Variants in ARX observed in about 807,000 individuals in gnomAD.
The protein encoded by ARX is homeobox protein ARX.
In ARX, 1 loss-of-function variant was observed where a neutral mutation model predicts 23.1. The observed-to-expected ratio is 0.04, with a 90% CI of 0.02 to 0.21. The LOEUF is 0.21. Ranked by LOEUF, ARX falls within the 10% of genes least tolerant of loss-of-function variation. The pLI is 1.00. For synonymous variants in ARX, 301 were observed against 270.1 expected, an observed-to-expected ratio of 1.11 and a Z score of -1.12; for missense variants, 380 against 527.5, an observed-to-expected ratio of 0.72 and a Z score of 2.74.
intron 2 of ARX, 115 bp from the exon 3 acceptor site, chrX:25,010,420 C>T: frequency 1.1e-6 from 1 of 871,547 alleles, no homozygotes; most frequent in Non-Finnish European, 1.7e-6. Flanking sequence ...GGCTGCCTGC[C>T]CCCCACCCCC....
intron 2 of ARX, among the ~76,000 whole-genome samples, chrX:25,012,399 C>CACTGCGA (rs756463345): frequency 1.2e-3 from 135 of 112,977 alleles, no homozygotes; most frequent in Middle Eastern, 4.6e-3. Context: ...GCTCCAGCTT[C>CACTGCGA]ACTGCGAACT....
intron 1 of ARX, 151 bp from the exon 2 acceptor site, chrX:25,013,949 T>G: frequency 1.2e-6 from 1 of 818,313 alleles, no homozygotes; most frequent in Non-Finnish European, 1.5e-6. Flanking sequence ...TTGGCCTCTT[T>G]CTCCACTTTT....
chrX:25,005,666 C>T (rs922279256), intron 4 of ARX, among the ~76,000 whole-genome samples: 2 of 112,752 alleles, frequency 1.8e-5, no homozygotes, highest in Admixed American at 1.8e-4. Context: ...CCCCTGTAGC[C>T]TCTGGCCTCA....
chrX:25,015,586 G>A lies in ARX; in HGVS notation c.152C>T (p.Pro51Leu). 8.3e-7 allele frequency: 1 copy of A among 1,210,750 alleles called. No homozygotes were observed. The highest frequency in any genetic ancestry group is 1.1e-6 in the Non-Finnish European group (1 of 894,979). ...GTCGGCGCGGCTGGTCAGCGGAGCA[G>A]GCAAGCTCTGCGCGGCTCCCAGCAA... ...MRLLGAAQSL[P>L]APLTSRADPE... The change falls in exon 1 of 5, where the codon CCT becomes CTT. Residue 51 changes from proline (P) to leucine (L), a missense_variant. Around this residue, in one of 3 missense-constraint regions of ARX, gnomAD observed 235 missense variants for 270.2 expected, o/e 0.87. Transcript: ENST00000379044.
At chrX:25,005,982 A>G (rs2048676202) in intron 4 of ARX, 1 of 110,972 alleles carries the variant, frequency 9.0e-6, no homozygotes, top group Non-Finnish European at 1.9e-5. Context: ...GGGCTCACCG[A>G]GCGCCGCCTC....
At chrX:25,010,197 C>A in intron 3 of ARX, 63 bp downstream of exon 3, 4 of 642,953 alleles carry the variant, frequency 6.2e-6, no homozygotes, top group Non-Finnish European at 9.7e-6. Flanking sequence ...ACCAACCCAT[C>A]TCTCTCTCTC....
rs1247887993 is a variant in ARX at position 25,015,935 on chromosome X, C to A, written c.-198G>T. On this transcript the variant is annotated 5_prime_UTR_variant, in exon 1 of 5. Coordinates refer to ENST00000379044, the MANE Select transcript of ARX (RefSeq NM_139058.3). ...GCCCGCGGCCCGAGCTCGCCCTCTC[C>A]GCGCTCAGGACAAGCGGTAACAAGT... The A allele has an allele frequency of 4.3e-6, 2 of 468,857 alleles. No homozygotes were observed. The highest frequency in any genetic ancestry group is 2.4e-5 in the African/African-American group (1 of 41,827). The allele number at this position is 468,857 out of a possible 1,213,427, so 38.6% of individuals were successfully genotyped here. A position where few individuals can be genotyped will look rare whatever the true frequency, so the allele number is the denominator to read the frequency against.
chrX:25,004,496 G>T lies in ARX; in HGVS notation c.*174C>A. On this transcript the variant is annotated 3_prime_UTR_variant, in exon 5 of 5. Coordinates refer to ENST00000379044, the MANE Select transcript of ARX (RefSeq NM_139058.3). ...GGACAGCCAGCCGAGGAGGTGCCAC[G>T]TCCCGGAGCGCCGAGGGCTGCCATG... 2.3e-6 allele frequency: 2 copies of T among 876,585 alleles called. No homozygotes were observed. Among genetic ancestry groups the T allele is most frequent in the Non-Finnish European group, 3.1e-6 (2 of 638,608 alleles). 72.2% of individuals were successfully genotyped at this position (876,585 alleles called of 1,213,427 possible). A position where few individuals can be genotyped will look rare whatever the true frequency, so the allele number is the denominator to read the frequency against.
chrX:25,012,960 C>T lies in ARX; in HGVS notation c.1035G>A (p.Arg345=). Residue 345 remains arginine, a synonymous_variant, in exon 2 of 5, where the codon CGG becomes CGA. Coordinates refer to ENST00000379044, the MANE Select transcript of ARX (RefSeq NM_139058.3). ...CCGGGTAGTGCGTCTTCTGGAAGGC[C>T]CGCTCCAGTTCCTCCAGCTGGTAGC... ...FTSYQLEELE[R]AFQKTHYPDV... is the part of the protein sequence containing the mutation. 1 of 1,205,769 alleles carries T rather than the reference C, an allele frequency of 8.3e-7. No homozygotes were observed. Among genetic ancestry groups the T allele is most frequent in the Non-Finnish European group, 1.1e-6 (1 of 892,849 alleles).
intron 4 of ARX, chrX:25,006,090 G>C (rs1321369852): frequency 8.9e-6 from 1 of 112,108 alleles, no homozygotes; most frequent in Non-Finnish European, 1.9e-5. Flanking sequence ...GCCACGGTTC[G>C]CCTGGGTTTA....
chrX:25,013,481 TG>T lies in ARX; in HGVS notation c.513del (p.Ser172AlafsTer153). On this transcript the variant is annotated frameshift_variant, in exon 2 of 5. Transcript: ENST00000379044. LOFTEE classifies it high-confidence loss of function. The part of the protein sequence containing the change: ...ISQAPQVSIS[R>X]SKSYRENGAP... ...GCCCCGTTCTCGCGGTACGACTTGC[TG>T]CGGCTGATGCTCACCTGCGGCGCCT... 1 of 891,598 alleles carries T rather than the reference TG, an allele frequency of 1.1e-6. No homozygotes were observed. Among genetic ancestry groups the T allele is most frequent in the Non-Finnish European group, 1.4e-6 (1 of 728,013 alleles). The allele number at this position is 891,598 out of a possible 1,213,427, so 73.5% of individuals were successfully genotyped here.
rs1428193510 is a variant in ARX, at chrX:25,015,767, G to C, written c.-30C>G. 2.6e-6 allele frequency: 3 copies of C among 1,170,418 alleles called. No homozygotes were observed. In the Admixed American group the frequency reaches 7.3e-5, roughly 28 times the overall value. ...GGGGCTTTTTCCCAGGGCGCAGAGAGCGGATCGCCGGCTGCCTCTCCCGGA... is the reference window on the plus strand; with the variant it reads ...GGGGCTTTTTCCCAGGGCGCAGAGACCGGATCGCCGGCTGCCTCTCCCGGA... On this transcript the variant is annotated 5_prime_UTR_variant, in exon 1 of 5. Transcript: ENST00000379044.
At position 25,003,983 on chromosome X, in the gene ARX, GTTC is replaced by G. The variant is rs1018180095; in HGVS notation, c.*684_*686del. ...TAACATTTCAAATATACAAAGCTCTGTTCTTTTTTTTTTTTTTTTAATAACAAT... is the reference window on the plus strand; with the variant it reads ...TAACATTTCAAATATACAAAGCTCTGTTTTTTTTTTTTTTTTAATAACAAT... On this transcript the variant is annotated 3_prime_UTR_variant, in exon 5 of 5. Transcript: ENST00000379044. 4 of 81,918 alleles carry G rather than the reference GTTC, an allele frequency of 4.9e-5. No individual in the cohort carries two copies. Among genetic ancestry groups the G allele is most frequent in the Middle Eastern group, 7.1e-3 (1 of 141 alleles). 6.8% of individuals were successfully genotyped at this position (81,918 alleles called of 1,213,427 possible).
At chrX:25,008,359 GTCTTTTATTTCCTT>G (rs1243647158) in intron 3 of ARX, among the ~76,000 whole-genome samples, 1 of 112,863 alleles carries the variant, frequency 8.9e-6, no homozygotes, top group Non-Finnish European at 1.9e-5. Context: ...GAGCTAACAA[GTCTTTTATTTCCTT>G]TTGGAGATGT....
In ARX at chrX:25,003,695, T is replaced by C. The variant is rs967681148; in HGVS notation, c.*975A>G. On this transcript the variant is annotated 3_prime_UTR_variant, in exon 5 of 5. Coordinates refer to ENST00000379044, the MANE Select transcript of ARX (RefSeq NM_139058.3). ...CCTGTATGGAGCATTCACACTTCGT[T>C]TTGTTAAACATATAATTTTTTTATT... The C allele has an allele frequency of 3.6e-5, 4 of 112,054 alleles. No homozygotes were observed. In the East Asian group the frequency reaches 1.1e-3, roughly 31 times the overall value. The allele number at this position is 112,054 out of a possible 1,213,427, so 9.2% of individuals were successfully genotyped here.
At position 25,004,628 on chromosome X, in the gene ARX, C is replaced by G; in HGVS notation, c.*42G>C. ...TCTTGAGTGGTGCTGAGTGAGGTGA[C>G]CTTTCGGGGCGCGCGCGGGGCGCGG... is the stretch of plus-strand genomic sequence containing the variant. On this transcript the variant is annotated 3_prime_UTR_variant, in exon 5 of 5. Coordinates refer to ENST00000379044, the MANE Select transcript of ARX (RefSeq NM_139058.3). The G allele has an allele frequency of 5.2e-6, 6 of 1,163,576 alleles. No homozygotes were observed. Among genetic ancestry groups the G allele is most frequent in the Non-Finnish European group, 5.7e-6 (5 of 872,641 alleles).
At chrX:25,011,686 T>A (rs1213753207) in intron 2 of ARX, among the ~76,000 whole-genome samples, 1 of 113,124 alleles carries the variant, frequency 8.8e-6, no homozygotes, top group Non-Finnish European at 1.9e-5. Flanking sequence ...GTCTGCTCTT[T>A]TCTGTTTCTG....
At position 25,015,651 on chromosome X, in the gene ARX, G is replaced by A. The variant is rs148694386; in HGVS notation, c.87C>T (p.Ile29=). ...GGCTCCTCCGGCCCAGGATGCTGTCGATGCAGTAGGAGGAGAGCAAAGTTG... is the reference window on the plus strand; with the variant it reads ...GGCTCCTCCGGCCCAGGATGCTGTCAATGCAGTAGGAGGAGAGCAAAGTTG... ...KSPTLLSSYC[I]DSILGRRSPC... is the part of the protein sequence containing the mutation. The change falls in exon 1 of 5, where the codon ATC becomes ATT. Residue 29 remains isoleucine, a synonymous_variant. Transcript: ENST00000379044. 1 of 1,209,182 alleles carries A rather than the reference G, an allele frequency of 8.3e-7. No homozygotes were observed. Among genetic ancestry groups the A allele is most frequent in the Non-Finnish European group, 1.1e-6 (1 of 894,119 alleles).
chrX:25,012,024 G>A (rs1300600074), intron 2 of ARX, among the ~76,000 whole-genome samples: 1 of 112,419 alleles, frequency 8.9e-6, no homozygotes, highest in Non-Finnish European at 1.9e-5. Context: ...AATAAGCTGG[G>A]GCCGAGGGTC....
Sources: allele counts gnomAD v4.1 joint callset (sites outside exome capture counted in the v4.1 genomes callset), GRCh38; gene constraint gnomAD v4.1.1; regional missense constraint gnomAD v4.1.1; transcripts MANE v1.5; gene names NCBI Gene and HGNC (gene_info 2026-07-23, HGNC 2026-07-21).